The following HERC5 variants were observed in gnomAD, a reference collection of about 807,000 sequenced individuals.
HERC5 encodes HECT and RLD domain containing E3 ubiquitin protein ligase 5.
HERC5 carries 99 observed loss-of-function variants against 119.6 expected under a neutral mutation model. The observed-to-expected ratio is 0.83, with a 90% CI of 0.70 to 0.98. The LOEUF is 0.98. HERC5 is among the 50% of genes least tolerant of loss of function. The pLI is 0.00. For missense variants in HERC5, 1,267 were observed against 1,241.3 expected (o/e 1.02, Z -0.31); for synonymous variants, 478 against 445.9 (o/e 1.07, Z -0.91).
rs1491174378 is a variant in HERC5, at chr4:88,464,190, TTA to T, written c.911+206_911+207del. ...TTGATTTTTTTTTTTTTTTTTTTTT[TTA>T]AATGAGCAGATACAATTCACTTTCT... is the stretch of plus-strand genomic sequence containing the variant. On this transcript the variant is annotated intron_variant, in intron 6 of 22. Coordinates refer to ENST00000264350, the MANE Select transcript of HERC5 (RefSeq NM_016323.4). Among the ~76,000 whole-genome samples the T allele has an allele frequency of 3.3e-5, 5 of 150,874 alleles. No individual in the cohort carries two copies. In the South Asian group the frequency reaches 8.5e-4, roughly 26 times the overall value.
Position 88,486,101 on chromosome 4 carries a change from A to G in HERC5, c.1738-14A>G, listed in dbSNP as rs778431912. 12 of 1,527,724 alleles carry G rather than the reference A, an allele frequency of 7.9e-6. No individual in the cohort carries two copies. The highest frequency in any genetic ancestry group is 6.9e-5 in the African/African-American group (5 of 72,500). The allele number at this position is 1,527,724 out of a possible 1,614,324, so 94.6% of individuals were successfully genotyped here. Reference sequence around the variant, plus strand: ...TAAATATAAAACTTTTTCACAAGTCATATTTTATTTAAGGTAAACCAGGTG... The same window carrying G: ...TAAATATAAAACTTTTTCACAAGTCGTATTTTATTTAAGGTAAACCAGGTG... On this transcript the variant is annotated splice_polypyrimidine_tract_variant and intron_variant, in intron 13 of 22. Coordinates refer to ENST00000264350, the MANE Select transcript of HERC5 (RefSeq NM_016323.4).
In HERC5 at chr4:88,486,132, T is replaced by C. The variant is rs773051393; in HGVS notation, c.1755T>C (p.Cys585=). 5.5e-5 allele frequency: 88 copies of C among 1,608,920 alleles called. No individual in the cohort carries two copies. Among genetic ancestry groups the C allele is most frequent in the Non-Finnish European group, 7.3e-5 (86 of 1,176,878 alleles). Residue 585 remains cysteine, a synonymous_variant, in exon 14 of 23, where the codon TGT becomes TGC. Transcript: ENST00000264350. ...KKLHRVNQVK[C]QLPESIFQVD... is the part of the protein sequence containing the mutation. The stretch of plus-strand genomic sequence containing the variant: ...TATTTAAGGTAAACCAGGTGAAATG[T>C]CAACTACCTGAAAGTATTTTCCAAG...
chr4:88,486,684 C>T (rs1741475572), intron 14 of HERC5, among the ~76,000 whole-genome samples: 1 of 152,106 alleles, frequency 6.6e-6, no homozygotes, highest in African/African-American at 2.4e-5. Context: ...TTATAATTCT[C>T]CTTCTAGCAC....
At chr4:88,477,516 AGGAAGG>A (rs1467817616) in intron 12 of HERC5, among the ~76,000 whole-genome samples, 82 of 82,260 alleles carry the variant, frequency 1.0e-3, no homozygotes, top group South Asian at 1.3e-3. Context: ...GGGAACGGAA[AGGAAGG>A]GGGAGGGGGA....
At chr4:88,483,727 C>A (rs1001500227) in intron 13 of HERC5, among the ~76,000 whole-genome samples, 1 of 151,758 alleles carries the variant, frequency 6.6e-6, no homozygotes, top group East Asian at 1.9e-4. Context: ...TGGGGTTTCA[C>A]CACATTGCCC....
chr4:88,504,370 T>A lies in HERC5; in HGVS notation c.2721T>A (p.Asp907Glu), dbSNP rs1742042049. 1 of 1,610,808 alleles carries A rather than the reference T, an allele frequency of 6.2e-7. No homozygotes were observed. Residue 907 changes from aspartate (D) to glutamate (E), a missense_variant, in exon 21 of 23, where the codon GAT becomes GAA. Physicochemically the swap from Asp to Glu is conservative, Grantham distance 45 (BLOSUM62 2). Coordinates refer to ENST00000264350, the MANE Select transcript of HERC5 (RefSeq NM_016323.4). The part of the protein sequence containing the change: ...IKLFHPEELK[D>E]VIVGNTDYDW... ...TATTCCACCCCGAAGAACTGAAGGA[T>A]GTGATTGTTGGAAATACAGATTATG...
At chr4:88,503,332 T>C (rs567297668) in intron 20 of HERC5, among the ~76,000 whole-genome samples, 12 of 152,312 alleles carry the variant, frequency 7.9e-5, no homozygotes, top group Admixed American at 3.9e-4. Flanking sequence ...AAATCGTCTT[T>C]TGTCATTCTT....
intron 1 of HERC5, 103 bp from the exon 2 acceptor site, chr4:88,459,244 G>C: frequency 3.0e-6 from 3 of 989,724 alleles, no homozygotes; most frequent in Non-Finnish European, 4.2e-6. Flanking sequence ...AGCTTGTCTA[G>C]TTGAAATTTT....
rs1337033831 is a variant in HERC5 at position 88,460,133 on chromosome 4, T to C, written c.428T>C (p.Ile143Thr). The C allele has an allele frequency of 6.3e-7, 1 of 1,589,656 alleles. No homozygotes were observed. The highest frequency in any genetic ancestry group is 8.6e-7 in the Non-Finnish European group (1 of 1,160,416). ...SILQEKKIIQ[I>T]TCGDYHSLAL... is the part of the protein sequence containing the mutation. Reference sequence around the variant, plus strand: ...TTACAAGAAAAAAAAATAATTCAGATCACATGTGGAGATTACCATTCTCTT... The same window carrying C: ...TTACAAGAAAAAAAAATAATTCAGACCACATGTGGAGATTACCATTCTCTT... Residue 143 changes from isoleucine (I) to threonine (T), a missense_variant, in exon 3 of 23, where the codon ATC (isoleucine) becomes ACC (threonine). Physicochemically the swap from Ile to Thr is moderately conservative, Grantham distance 89. Around this residue, in one of 3 missense-constraint regions of HERC5, gnomAD observed 777 missense variants for 758.0 expected, o/e 1.03. Transcript: ENST00000264350.
Position 88,459,469 on chromosome 4 carries a change from A to G in HERC5, c.388A>G (p.Arg130Gly). 1.3e-6 allele frequency: 2 copies of G among 1,534,846 alleles called. No individual in the cohort carries two copies. The highest frequency in any genetic ancestry group is 1.7e-6 in the Non-Finnish European group (2 of 1,145,000). The change falls in exon 2 of 23, where the codon AGG (arginine) becomes GGG (glycine). Residue 130 changes from arginine to glycine, a missense_variant and splice_region_variant. This residue lies in a region of HERC5 where 777 missense variants were observed against 758.0 expected (regional missense o/e 1.03). Transcript: ENST00000264350. ...TGACAACTATAGCATGAAACATCTA[A>G]GGTAGGGAACTTTTTTCTTTTATTA... ...EYDNYSMKHL[R>G]FESILQEKKI...
At chr4:88,478,277 TTATAA>T (rs1032621908) in intron 12 of HERC5, among the ~76,000 whole-genome samples, 2 of 152,250 alleles carry the variant, frequency 1.3e-5, no homozygotes, top group Non-Finnish European at 2.9e-5. Flanking sequence ...GCTTTTGTAA[TTATAA>T]TATATACTAA....
At position 88,463,635 on chromosome 4, in the gene HERC5, C is replaced by G; in HGVS notation, c.780+12C>G. 6.2e-7 allele frequency: 1 copy of G among 1,603,412 alleles called. No homozygotes were observed. Among genetic ancestry groups the G allele is most frequent in the Non-Finnish European group, 8.5e-7 (1 of 1,172,724 alleles). On this transcript the variant is annotated intron_variant, in intron 5 of 22. Coordinates refer to ENST00000264350, the MANE Select transcript of HERC5 (RefSeq NM_016323.4). ...CCCTACTCACACAGGTGGGTGTACC[C>G]TTGTCTCTTTTTGGCTGTATTTTTA...
intron 12 of HERC5, among the ~76,000 whole-genome samples, chr4:88,477,994 C>T (rs1741143528): frequency 6.6e-6 from 1 of 152,150 alleles, no homozygotes; most frequent in Non-Finnish European, 1.5e-5. Context: ...TTCATCTGCA[C>T]AAAGAATGTG....
intron 1 of HERC5, chr4:88,458,188 G>A (rs756106887): frequency 2.7e-5 from 14 of 524,712 alleles, no homozygotes; most frequent in Non-Finnish European, 3.4e-5. Flanking sequence ...AGAGGTATTT[G>A]AATATTGAAT....
chr4:88,475,368 G>T (rs1271178420), intron 11 of HERC5, among the ~76,000 whole-genome samples: 1 of 144,888 alleles, frequency 6.9e-6, no homozygotes, highest in Non-Finnish European at 1.5e-5. Context: ...TCTGTGCCTG[G>T]AGTGCAGTGA....
At chr4:88,475,019 G>T (rs1274590177) in intron 11 of HERC5, among the ~76,000 whole-genome samples, 1 of 151,970 alleles carries the variant, frequency 6.6e-6, no homozygotes, top group Non-Finnish European at 1.5e-5. Flanking sequence ...AAGGAAATTG[G>T]AGGGGCTAGA....
At chr4:88,461,597 C>T (rs934358681) in intron 3 of HERC5, among the ~76,000 whole-genome samples, 2 of 152,160 alleles carry the variant, frequency 1.3e-5, no homozygotes, top group African/African-American at 4.8e-5. Context: ...TATCAGATAA[C>T]ATCTAAGAAC....
At chr4:88,489,028 C>T (rs1741551612) in intron 15 of HERC5, 138 bp from the exon 16 acceptor site, 1 of 598,548 alleles carries the variant, frequency 1.7e-6, no homozygotes, top group Non-Finnish European at 2.9e-6. Context: ...CATTTATCTT[C>T]AGTGGTGCAT....
At chr4:88,502,663 T>C (rs1305626844) in intron 20 of HERC5, among the ~76,000 whole-genome samples, 1 of 152,216 alleles carries the variant, frequency 6.6e-6, no homozygotes, top group Non-Finnish European at 1.5e-5. Context: ...ACGACAGTTC[T>C]AATTGCTCTA....
Sources: gnomAD v4.1 joint callset for allele counts (sites outside exome capture counted in the v4.1 genomes callset) on GRCh38, gnomAD v4.1.1 for gene constraint, gnomAD v4.1.1 regional missense constraint, MANE v1.5 for transcripts, NCBI Gene and HGNC (gene_info 2026-07-23, HGNC 2026-07-21) for gene names.